Variants in F11R observed in about 807,000 individuals in gnomAD.
F11R encodes junctional adhesion molecule A.
Under a neutral mutation model 39.3 loss-of-function variants are expected in F11R, and 27 were observed. The observed-to-expected ratio is 0.69, with a 90% CI of 0.51 to 0.95. F11R has a LOEUF of 0.95. Ranked by LOEUF, F11R falls within the 40% of genes least tolerant of loss-of-function variation. The pLI is 0.00. For synonymous variants in F11R, 131 were observed against 144.9 expected, an observed-to-expected ratio of 0.90 and a Z score of 0.69; for missense variants, 335 against 372.7, an observed-to-expected ratio of 0.90 and a Z score of 0.83.
intron 1 of F11R, among the ~76,000 whole-genome samples, chr1:161,010,893 G>A (rs1221443942): frequency 6.8e-6 from 1 of 146,188 alleles, no homozygotes; most frequent in Non-Finnish European, 1.5e-5. Context: ...GCTGAGGCTT[G>A]AACCTGGGAG....
At chr1:161,006,320 T>C (rs1648818739) in intron 1 of F11R, among the ~76,000 whole-genome samples, 1 of 152,166 alleles carries the variant, frequency 6.6e-6, no homozygotes, top group South Asian at 2.1e-4. Context: ...TCTTGTATGA[T>C]TATTGACATC....
chr1:160,998,537 G>C lies in F11R; in HGVS notation c.*334C>G. ...CCCTGCCAGCCAGGTGGGCAGTTGA[G>C]TGCAGATTCCTGCGACCCCCGCCAT... On this transcript the variant is annotated 3_prime_UTR_variant, in exon 10 of 10. Transcript: ENST00000368026. The C allele has an allele frequency of 2.0e-6, 1 of 501,498 alleles. No homozygotes were observed. The highest frequency in any genetic ancestry group is 3.6e-5 in the Admixed American group (1 of 27,708). 31.1% of individuals were successfully genotyped at this position (501,498 alleles called of 1,614,324 possible).
rs147784521 is a variant in F11R at position 161,001,863 on chromosome 1, C to T, written c.65-510G>A. Among the ~76,000 whole-genome samples the T allele has an allele frequency of 1.6e-3, 237 of 152,262 alleles. 7 individuals carry two copies. The East Asian group carries it at 0.039, about 25-fold the overall frequency. ...AAGTGTTTTCGTGTACATTATGACA[C>T]GTTGCATCATTTGATCCTGGACACA... On this transcript the variant is annotated intron_variant, in intron 1 of 9. Coordinates refer to ENST00000368026, the MANE Select transcript of F11R (RefSeq NM_016946.6).
At chr1:161,002,874 T>C (rs77734090) in intron 1 of F11R, among the ~76,000 whole-genome samples, 2,570 of 152,126 alleles carry the variant, frequency 0.017, 28 homozygotes, top group Non-Finnish European at 0.025. Flanking sequence ...ATAAGTATTC[T>C]CTCTCCCATT....
intron 1 of F11R, among the ~76,000 whole-genome samples, chr1:161,019,323 C>T (rs565200407): frequency 8.5e-5 from 13 of 152,126 alleles, no homozygotes; most frequent in Non-Finnish European, 1.9e-4. Flanking sequence ...TGGCCAGCCG[C>T]GGTGGCTCAC....
rs376321173 is a variant in F11R at position 161,001,160 on chromosome 1, A to C, written c.134-33T>G. The C allele has an allele frequency of 2.1e-4, 341 of 1,607,492 alleles. 1 individual carries two copies. The African/African-American group carries it at 3.9e-3, about 18-fold the overall frequency. ...CAGGGTCAAAATGAGCCGAAGGAAG[A>C]AGCAGCAGCAAATACACGAGATGGG... On this transcript the variant is annotated intron_variant, in intron 2 of 9. Transcript: ENST00000368026.
intron 1 of F11R, among the ~76,000 whole-genome samples, chr1:161,015,496 C>A (rs957483842): frequency 1.3e-4 from 20 of 149,926 alleles, no homozygotes; most frequent in Non-Finnish European, 4.4e-5. Context: ...GAGGCTGAGG[C>A]AGGAGAATCA....
At chr1:161,012,837 C>G (rs1192829271) in intron 1 of F11R, among the ~76,000 whole-genome samples, 1 of 151,968 alleles carries the variant, frequency 6.6e-6, no homozygotes, top group Admixed American at 6.6e-5. Flanking sequence ...GTTGGCCAGG[C>G]TGGTCTTGAA....
At chr1:161,006,178 C>T (rs1304511744) in intron 1 of F11R, among the ~76,000 whole-genome samples, 4 of 151,912 alleles carry the variant, frequency 2.6e-5, no homozygotes, top group Non-Finnish European at 5.9e-5. Flanking sequence ...CAAAGTGTTC[C>T]AAAGCTGTCT....
rs949742234 is a variant in F11R, at chr1:161,018,111, G to A, written c.64+2899C>T. 2.4e-4 allele frequency among the ~76,000 whole-genome samples: 36 copies of A among 152,252 alleles called. No homozygotes were observed. In the Middle Eastern group the frequency reaches 0.02, roughly 86 times the overall value. ...GTAGACAGCTGAACCTTTTCTAAGG[G>A]ACAGGTTCCCTAGGGAAAGGGAGGC... On this transcript the variant is annotated intron_variant, in intron 1 of 9. Coordinates refer to ENST00000368026, the MANE Select transcript of F11R (RefSeq NM_016946.6).
chr1:161,016,528 G>A (rs1007461149), intron 1 of F11R, among the ~76,000 whole-genome samples: 4 of 152,140 alleles, frequency 2.6e-5, no homozygotes, highest in East Asian at 3.9e-4. Flanking sequence ...GTGGTGGCGC[G>A]TGCCTGTAGT....
At position 160,998,622 on chromosome 1, in the gene F11R, C is replaced by A. The variant is rs542579978; in HGVS notation, c.*249G>T. The A allele has an allele frequency of 2.1e-4, 122 of 589,488 alleles. No homozygotes were observed. The highest frequency in any genetic ancestry group is 3.3e-4 in the Non-Finnish European group (110 of 331,826). The allele number at this position is 589,488 out of a possible 1,614,324, so 36.5% of individuals were successfully genotyped here. On this transcript the variant is annotated 3_prime_UTR_variant, in exon 10 of 10. Coordinates refer to ENST00000368026, the MANE Select transcript of F11R (RefSeq NM_016946.6). ...TACCCAGGATTCCTTCCTGATCCCT[C>A]AAAGAAATGGGGAATAAACACTTTA...
intron 7 of F11R, 79 bp downstream of exon 7, chr1:160,999,561 G>A: frequency 4.0e-6 from 6 of 1,495,632 alleles, no homozygotes; most frequent in African/African-American, 1.4e-5. Flanking sequence ...CAGTATCAGG[G>A]TCAGTACTCA....
chr1:161,009,069 G>C (rs1648983265), intron 1 of F11R, among the ~76,000 whole-genome samples: 2 of 152,108 alleles, frequency 1.3e-5, no homozygotes, highest in Non-Finnish European at 2.9e-5. Context: ...TCCTAGCAAA[G>C]TCTGGGCTGT....
intron 1 of F11R, among the ~76,000 whole-genome samples, chr1:161,007,669 C>A (rs756804924): frequency 6.6e-6 from 1 of 152,138 alleles, no homozygotes; most frequent in Non-Finnish European, 1.5e-5. Context: ...GAACAGGAAA[C>A]CCCAAATAAG....
rs542892445 is a variant in F11R, at chr1:161,011,469, C to T, written c.64+9541G>A. The stretch of plus-strand genomic sequence containing the variant: ...CTTAAAGTATATTTTGGGCCAGGCG[C>T]GGTGGCTCACACCTGTAATCTCAAC... On this transcript the variant is annotated intron_variant, in intron 1 of 9. Coordinates refer to ENST00000368026, the MANE Select transcript of F11R (RefSeq NM_016946.6). Among the ~76,000 whole-genome samples, 14 of 152,176 alleles carry T rather than the reference C, an allele frequency of 9.2e-5. No homozygotes were observed. The South Asian group carries it at 1.5e-3, about 16-fold the overall frequency.
At chr1:161,003,124 T>A (rs1049538530) in intron 1 of F11R, among the ~76,000 whole-genome samples, 1 of 40,828 alleles carries the variant, frequency 2.4e-5, no homozygotes, top group Admixed American at 2.5e-4. Context: ...AATTTTTGTA[T>A]TTTTTTTTTT....
At chr1:161,003,625 A>C (rs1056873881) in intron 1 of F11R, among the ~76,000 whole-genome samples, 8 of 150,418 alleles carry the variant, frequency 5.3e-5, no homozygotes, top group Non-Finnish European at 8.9e-5. Flanking sequence ...CGCCCTGGCT[A>C]GAGTGCAGTG....
Position 161,000,302 on chromosome 1 carries a change from A to C in F11R, c.435T>G (p.Ile145Met). 2 of 1,614,136 alleles carry C rather than the reference A, an allele frequency of 1.2e-6. No individual in the cohort carries two copies. Among genetic ancestry groups the C allele is most frequent in the Non-Finnish European group, 1.7e-6 (2 of 1,180,028 alleles). The change falls in exon 5 of 10, where the codon ATT (isoleucine) becomes ATG (methionine). Residue 145 changes from isoleucine (I) to methionine (M), a missense_variant. Coordinates refer to ENST00000368026, the MANE Select transcript of F11R (RefSeq NM_016946.6). ...PTVNIPSSAT[I>M]GNRAVLTCSE... ...AGCATGTCAGCACTGCCCGGTTCCC[A>C]ATGGTGGCAGAGGAGGGGATGTTAA...
Sources: allele counts gnomAD v4.1 joint callset (sites outside exome capture counted in the v4.1 genomes callset), GRCh38; gene constraint gnomAD v4.1.1; transcripts MANE v1.5; gene names NCBI Gene and HGNC (gene_info 2026-07-23, HGNC 2026-07-21).